COG5: variants seen among roughly 807,000 people sequenced by gnomAD.
COG5 encodes component of oligomeric golgi complex 5, also known as conserved oligomeric Golgi complex subunit 5.
A neutral mutation model predicts 110.4 loss-of-function variants in COG5; 86 were observed. The ratio of observed to expected loss-of-function variants is 0.78; its 90% CI spans 0.65 to 0.93. The LOEUF (loss-of-function observed/expected upper bound fraction) is 0.93, where lower values mean the gene tolerates loss of function less well. Among genes scored for constraint, COG5 ranks in the 40% least tolerant of loss-of-function variants. The pLI, the probability that COG5 is intolerant of heterozygous loss-of-function variation, is 0.00. For synonymous variants in COG5, 360 were observed against 334.6 expected, an observed-to-expected ratio of 1.08 and a Z score of -0.83; for missense variants, 1,077 against 987.0, an observed-to-expected ratio of 1.09 and a Z score of -1.22.
intron 14 of COG5, among the ~76,000 whole-genome samples, chr7:107,270,628 TAC>T (rs112944834): frequency 2.0e-5 from 3 of 150,546 alleles, no homozygotes; most frequent in East Asian, 3.9e-4. Context: ...AAAGATGTTA[TAC>T]ACACACACAC....
At chr7:107,373,646 A>G (rs1251121297) in intron 7 of COG5, among the ~76,000 whole-genome samples, 2 of 152,108 alleles carry the variant, frequency 1.3e-5, no homozygotes, top group African/African-American at 4.8e-5. Flanking sequence ...GAGGTATTGA[A>G]ATATCATCAA....
intron 1 of COG5, among the ~76,000 whole-genome samples, 181 bp from the exon 2 acceptor site, chr7:107,558,296 G>C (rs1803480624): frequency 2.6e-5 from 4 of 152,098 alleles, no homozygotes. Flanking sequence ...TTGAGAAAGA[G>C]ATTAAAAAAC....
chr7:107,210,952 T>C, intron 20 of COG5, 147 bp downstream of exon 20: 2 of 1,009,152 alleles, frequency 2.0e-6, no homozygotes, highest in Non-Finnish European at 3.0e-6. Flanking sequence ...GTTTTCCTTT[T>C]CTAATATCTA....
chr7:107,501,491 T>C (rs1003765769), intron 6 of COG5, among the ~76,000 whole-genome samples: 2 of 152,026 alleles, frequency 1.3e-5, no homozygotes, highest in East Asian at 1.9e-4. Flanking sequence ...CTTGCAACTT[T>C]AAAATGTACG....
chr7:107,288,934 A>ATATATATATT (rs1805909007), intron 12 of COG5, among the ~76,000 whole-genome samples: 2 of 109,482 alleles, frequency 1.8e-5, no homozygotes, highest in Non-Finnish European at 3.4e-5. Context: ...ATATATATAT[A>ATATATATATT]TATATATATA....
At chr7:107,507,799 T>G (rs907403837) in intron 6 of COG5, among the ~76,000 whole-genome samples, 2 of 152,252 alleles carry the variant, frequency 1.3e-5, no homozygotes, top group Non-Finnish European at 2.9e-5. Context: ...ATAGCTACAA[T>G]AAGAACATCA....
chr7:107,524,921 G>C (rs1249531561), intron 6 of COG5, among the ~76,000 whole-genome samples: 2 of 151,802 alleles, frequency 1.3e-5, no homozygotes, highest in Admixed American at 1.3e-4. Context: ...CTGTTTTTTT[G>C]TGGGGTTTTT....
At chr7:107,558,914 CAAAAAAA>C (rs34483652) in intron 1 of COG5, among the ~76,000 whole-genome samples, 1 of 31,176 alleles carries the variant, frequency 3.2e-5, no homozygotes, top group Non-Finnish European at 7.8e-5. Context: ...GACTTCATCT[CAAAAAAA>C]AAAAAAAAAA....
chr7:107,560,287 C>G (rs1025198292), intron 1 of COG5, among the ~76,000 whole-genome samples: 12 of 152,158 alleles, frequency 7.9e-5, no homozygotes, highest in African/African-American at 2.7e-4. Context: ...AATAGAACCA[C>G]AGAGGCCAGT....
chr7:107,435,020 T>C (rs1269854653), intron 6 of COG5, among the ~76,000 whole-genome samples: 1 of 151,184 alleles, frequency 6.6e-6, no homozygotes. Flanking sequence ...ACACAGATTA[T>C]GAGGACATTA....
intron 7 of COG5, among the ~76,000 whole-genome samples, chr7:107,379,687 G>T (rs184263753): frequency 6.6e-6 from 1 of 151,548 alleles, no homozygotes; most frequent in African/African-American, 2.4e-5. Flanking sequence ...ACAAAGAAGC[G>T]CATTACATAA....
chr7:107,280,336 G>C (rs1584614507), intron 14 of COG5, among the ~76,000 whole-genome samples: 2 of 152,078 alleles, frequency 1.3e-5, no homozygotes, highest in Non-Finnish European at 2.9e-5. Context: ...CCATCCATGG[G>C]AACTAAAAGA....
chr7:107,527,208 T>C, intron 6 of COG5, 29 bp downstream of exon 6: 1 of 1,504,456 alleles, frequency 6.6e-7, no homozygotes. Flanking sequence ...CTCTACTAAC[T>C]TTTTATTTAA....
At chr7:107,454,778 T>C (rs1186362302) in intron 6 of COG5, among the ~76,000 whole-genome samples, 1 of 152,128 alleles carries the variant, frequency 6.6e-6, no homozygotes, top group South Asian at 2.1e-4. Flanking sequence ...GGTTGGCAGA[T>C]TTGTGAGGTG....
intron 6 of COG5, 62 bp from the exon 7 acceptor site, chr7:107,412,694 A>G: frequency 9.6e-7 from 1 of 1,046,058 alleles, no homozygotes; most frequent in Non-Finnish European, 1.4e-6. Context: ...TCAAGGTATC[A>G]AAATATGTAT....
chr7:107,279,849 C>T (rs73187340), intron 14 of COG5, among the ~76,000 whole-genome samples: 1,618 of 152,244 alleles, frequency 0.011, 13 homozygotes, highest in Non-Finnish European at 0.018. Flanking sequence ...AAGTAATTTA[C>T]AGCCACTGAC....
At chr7:107,233,564 G>A (rs1459497566) in intron 18 of COG5, among the ~76,000 whole-genome samples, 1 of 152,038 alleles carries the variant, frequency 6.6e-6, no homozygotes, top group African/African-American at 2.4e-5. Flanking sequence ...TGGACTTTAC[G>A]GCAAATAACT....
intron 7 of COG5, among the ~76,000 whole-genome samples, chr7:107,383,953 C>G (rs1815345617): frequency 6.6e-6 from 1 of 152,110 alleles, no homozygotes; most frequent in Non-Finnish European, 1.5e-5. Flanking sequence ...GCCCAACATA[C>G]CACCAAAAGG....
intron 11 of COG5, 36 bp downstream of exon 11, chr7:107,324,403 CT>C (rs1192455186): frequency 7.7e-7 from 1 of 1,304,142 alleles, no homozygotes; most frequent in South Asian, 1.2e-5. Context: ...TAACTTAAAA[CT>C]TTGAAATTAA....
Sources: allele counts gnomAD v4.1 joint callset (sites outside exome capture counted in the v4.1 genomes callset), GRCh38; gene constraint gnomAD v4.1.1; transcripts MANE v1.5; gene names NCBI Gene and HGNC (gene_info 2026-07-23, HGNC 2026-07-21).